Variants in MTR observed in about 807,000 individuals in gnomAD.
The protein encoded by MTR is 5-methyltetrahydrofolate-homocysteine methyltransferase.
A neutral mutation model predicts 154.8 loss-of-function variants in MTR; 84 were observed. That is an observed-to-expected ratio of 0.54 (90% CI 0.45 to 0.65). MTR has a LOEUF of 0.65. MTR is among the 30% of genes least tolerant of loss of function. The pLI is 0.00. For missense variants in MTR, 1,275 were observed against 1,570.2 expected, an observed-to-expected ratio of 0.81 and a Z score of 3.18; for synonymous variants, 554 against 553.9, an observed-to-expected ratio of 1.00 and a Z score of 0.00.
At chr1:236,897,310 G>GCACACACACACA (rs57786802) in intron 32 of MTR, among the ~76,000 whole-genome samples, 192 bp downstream of exon 32, 42 of 128,654 alleles carry the variant, frequency 3.3e-4, no homozygotes, top group South Asian at 1.1e-3. Context: ...CCACACACAC[G>GCACACACACACA]CACACACACA....
At chr1:236,812,254 A>G (rs556975399) in intron 5 of MTR, among the ~76,000 whole-genome samples, 30 of 152,250 alleles carry the variant, frequency 2.0e-4, no homozygotes, top group South Asian at 1.4e-3. Flanking sequence ...CTCACCAGAC[A>G]GGTTTCTTCT....
chr1:236,876,047 CACCA>C (rs1665414406), intron 24 of MTR, among the ~76,000 whole-genome samples: 2 of 152,072 alleles, frequency 1.3e-5, no homozygotes, highest in Admixed American at 1.3e-4. Flanking sequence ...GGATGAGGCC[CACCA>C]ACATAGTGGA....
At chr1:236,842,286 G>A (rs909168206) in intron 15 of MTR, among the ~76,000 whole-genome samples, 8 of 152,122 alleles carry the variant, frequency 5.3e-5, no homozygotes, top group South Asian at 4.1e-4. Flanking sequence ...CTGAACTCCC[G>A]CGATGATGAG....
chr1:236,810,556 G>C lies in MTR; in HGVS notation c.463G>C (p.Val155Leu). 1.9e-6 allele frequency: 3 copies of C among 1,613,878 alleles called. No individual in the cohort carries two copies. The highest frequency in any genetic ancestry group is 2.5e-6 in the Non-Finnish European group (3 of 1,179,832). Residue 155 changes from valine (V) to leucine (L), a missense_variant, in exon 5 of 33, where the codon GTG becomes CTG. Transcript: ENST00000366577. Reference sequence around the variant, plus strand: ...GGGTCCGACTAATAAGACACTCTCTGTGTCCCCATCTGTGGAAAGGCCGGA... The same window carrying C: ...GGGTCCGACTAATAAGACACTCTCTCTGTCCCCATCTGTGGAAAGGCCGGA... ...ALGPTNKTLS[V>L]SPSVERPDYR...
chr1:236,885,035 T>C (rs1665941477), intron 25 of MTR, 86 bp from the exon 26 acceptor site: 1 of 847,916 alleles, frequency 1.2e-6, no homozygotes, highest in African/African-American at 1.7e-5. Flanking sequence ...TAAGGAAGCC[T>C]TCCTGAAGGA....
intron 15 of MTR, among the ~76,000 whole-genome samples, chr1:236,844,513 G>A (rs1356859103): frequency 6.7e-6 from 1 of 150,086 alleles, no homozygotes; most frequent in Non-Finnish European, 1.5e-5. Context: ...TAGATGCTGT[G>A]ACAACATGTT....
intron 15 of MTR, among the ~76,000 whole-genome samples, chr1:236,846,599 T>G (rs1391530784): frequency 6.6e-6 from 1 of 152,236 alleles, no homozygotes; most frequent in African/African-American, 2.4e-5. Flanking sequence ...TGCCAGTGTT[T>G]AGATTTGTCA....
rs968532279 is a variant in MTR at position 236,795,678 on chromosome 1, T to C, written c.-26T>C. ...AGAGCACGTCTTCTCTGCCGCGCCC[T>C]CTGCGCAAGGAGGAGACTCGACAAC... On this transcript the variant is annotated 5_prime_UTR_variant, in exon 1 of 33. Coordinates refer to ENST00000366577, the MANE Select transcript of MTR (RefSeq NM_000254.3). 1 of 1,613,930 alleles carries C rather than the reference T, an allele frequency of 6.2e-7. No individual in the cohort carries two copies. The highest frequency in any genetic ancestry group is 2.2e-5 in the East Asian group (1 of 44,878).
intron 22 of MTR, among the ~76,000 whole-genome samples, chr1:236,867,500 C>A (rs1452994483): frequency 2.0e-5 from 3 of 152,176 alleles, no homozygotes; most frequent in Non-Finnish European, 4.4e-5. Flanking sequence ...CCTGCTAACA[C>A]AACATCCATT....
chr1:236,820,582 T>C (rs1661873395), intron 8 of MTR: 2 of 519,902 alleles, frequency 3.8e-6, no homozygotes, highest in South Asian at 4.9e-5. Context: ...TAAGCGTCAG[T>C]TTCTTAAAAA....
intron 14 of MTR, among the ~76,000 whole-genome samples, chr1:236,836,788 C>T (rs1662933391): frequency 1.3e-5 from 2 of 152,132 alleles, no homozygotes; most frequent in Admixed American, 6.5e-5. Context: ...AGCAAGACAA[C>T]TTGTTCAAAG....
chr1:236,890,735 A>G (rs1022641988), intron 28 of MTR, among the ~76,000 whole-genome samples: 3 of 152,202 alleles, frequency 2.0e-5, no homozygotes, highest in African/African-American at 7.2e-5. Context: ...ACGGAATACG[A>G]GGCACAGGTC....
chr1:236,893,914 C>G (rs1484559509), intron 29 of MTR, among the ~76,000 whole-genome samples: 2 of 152,154 alleles, frequency 1.3e-5, no homozygotes, highest in African/African-American at 2.4e-5. Context: ...TGAGCTGCTG[C>G]TGTTGATGGA....
At position 236,838,450 on chromosome 1, in the gene MTR, A is replaced by G. The variant is rs367759411; in HGVS notation, c.1366A>G (p.Ile456Val). The G allele has an allele frequency of 6.2e-7, 1 of 1,613,982 alleles. No homozygotes were observed. Among genetic ancestry groups the G allele is most frequent in the Non-Finnish European group, 8.5e-7 (1 of 1,180,024 alleles). The change falls in exon 15 of 33, where the codon ATT becomes GTT. Residue 456 changes from isoleucine (I) to valine (V), a missense_variant. Ile to Val is a conservative substitution (Grantham distance 29, BLOSUM62 3). Coordinates refer to ENST00000366577, the MANE Select transcript of MTR (RefSeq NM_000254.3). ...CATCGACTCCTCCAATTTTGCTGTG[A>G]TTGAAGCTGGGTTAAAGTGCTGCCA... The part of the protein sequence containing the change: ...LCIDSSNFAV[I>V]EAGLKCCQGK...
In MTR at chr1:236,897,746, G is replaced by A. The variant is rs1293664328; in HGVS notation, c.*102G>A. 11 of 1,022,108 alleles carry A rather than the reference G, an allele frequency of 1.1e-5. No homozygotes were observed. In the East Asian group the frequency reaches 2.2e-4, roughly 20 times the overall value. 63.3% of individuals were successfully genotyped at this position (1,022,108 alleles called of 1,614,324 possible). ...ACAACAAAAAACCTGTGTGCATCTG[G>A]CTGACACTTACCTGCTTCTGGTTTT... is the stretch of plus-strand genomic sequence containing the variant. On this transcript the variant is annotated 3_prime_UTR_variant, in exon 33 of 33. Transcript: ENST00000366577.
chr1:236,838,477 G>A lies in MTR; in HGVS notation c.1393G>A (p.Gly465Arg), dbSNP rs763596787. 1 of 1,614,118 alleles carries A rather than the reference G, an allele frequency of 6.2e-7. No homozygotes were observed. The highest frequency in any genetic ancestry group is 1.1e-5 in the South Asian group (1 of 91,074). The change falls in exon 15 of 33, where the codon GGG becomes AGG. Residue 465 changes from glycine to arginine, a missense_variant. Physicochemically the swap from Gly to Arg is moderately radical, Grantham distance 125. Coordinates refer to ENST00000366577, the MANE Select transcript of MTR (RefSeq NM_000254.3). Reference sequence around the variant, plus strand: ...TGAAGCTGGGTTAAAGTGCTGCCAAGGGAAGTGCATTGTCAATAGCATTAG... The same window carrying A: ...TGAAGCTGGGTTAAAGTGCTGCCAAAGGAAGTGCATTGTCAATAGCATTAG... ...VIEAGLKCCQ[G>R]KCIVNSISLK... is the part of the protein sequence containing the mutation.
In MTR at chr1:236,816,482, A is replaced by G; in HGVS notation, c.703A>G (p.Thr235Ala). Residue 235 changes from threonine to alanine, a missense_variant, in exon 8 of 33, where the codon ACT becomes GCT. Thr to Ala is a moderately conservative substitution (Grantham distance 58). Coordinates refer to ENST00000366577, the MANE Select transcript of MTR (RefSeq NM_000254.3). ...GACGATCGTTGATAAAAGTGGGCGG[A>G]CTCTTTCCGGACAGACAGGAGAGGG... The part of the protein sequence containing the change: ...SGTIVDKSGR[T>A]LSGQTGEGFV... 1 of 1,613,866 alleles carries G rather than the reference A, an allele frequency of 6.2e-7. No homozygotes were observed. Among genetic ancestry groups the G allele is most frequent in the Non-Finnish European group, 8.5e-7 (1 of 1,179,950 alleles).
Position 236,795,387 on chromosome 1 carries a change from T to TC in MTR, c.-315dup. The TC allele has an allele frequency of 7.1e-7, 1 of 1,411,886 alleles. No individual in the cohort carries two copies. The allele number at this position is 1,411,886 out of a possible 1,614,324, so 87.5% of individuals were successfully genotyped here. ...CTGCCGGTTTTCTCTTGGGTCCTTTTCCGTGCCGTCCCGCGACTCCGCCTC... is the reference window on the plus strand; with the variant it reads ...CTGCCGGTTTTCTCTTGGGTCCTTTTCCCGTGCCGTCCCGCGACTCCGCCTC... On this transcript the variant is annotated 5_prime_UTR_variant, in exon 1 of 33. It introduces an in-frame stop codon into an upstream open reading frame of the 5' UTR. Transcript: ENST00000366577.
At chr1:236,851,222 C>T (rs1373304592) in intron 16 of MTR, among the ~76,000 whole-genome samples, 1 of 152,198 alleles carries the variant, frequency 6.6e-6, no homozygotes, top group Non-Finnish European at 1.5e-5. Context: ...ATATTATTCC[C>T]AAAGAGGGCA....
Sources: gnomAD v4.1 joint callset for allele counts (sites outside exome capture counted in the v4.1 genomes callset) on GRCh38, gnomAD v4.1.1 for gene constraint, MANE v1.5 for transcripts, NCBI Gene and HGNC (gene_info 2026-07-23, HGNC 2026-07-21) for gene names.